The following FOXP2 variants were observed in gnomAD, a reference collection of about 807,000 sequenced individuals.
FOXP2 encodes forkhead box protein P2.
FOXP2 carries 12 observed loss-of-function variants against 115.8 expected under a neutral mutation model. That is an observed-to-expected ratio of 0.10 (90% CI 0.07 to 0.17). FOXP2 has a LOEUF of 0.17. Ranked by LOEUF, FOXP2 falls within the 10% of genes least tolerant of loss-of-function variation. FOXP2 has a pLI of 1.00. For missense variants in FOXP2, 629 were observed against 843.5 expected (o/e 0.75, Z 3.15); for synonymous variants, 328 against 297.7 (o/e 1.10, Z -1.05).
chr7:114,117,734 T>G (rs1791448792), intron 1 of FOXP2, among the ~76,000 whole-genome samples: 1 of 152,132 alleles, frequency 6.6e-6, no homozygotes, highest in East Asian at 1.9e-4. Context: ...TGGGCTGGCA[T>G]AACCAATTAC....
At chr7:114,555,869 G>T (rs1044201192) in intron 3 of FOXP2, among the ~76,000 whole-genome samples, 1 of 152,092 alleles carries the variant, frequency 6.6e-6, no homozygotes, top group Non-Finnish European at 1.5e-5. Context: ...CTCCACCATG[G>T]AGGGGATCTC....
chr7:114,499,327 C>G (rs911524904), intron 2 of FOXP2: 1 of 159,002 alleles, frequency 6.3e-6, no homozygotes, highest in Admixed American at 6.4e-5. Context: ...ACTCTACCAC[C>G]ATTATAATGG....
chr7:114,424,796 G>C lies in FOXP2; in HGVS notation c.-10-1706G>C, dbSNP rs141396023. On this transcript the variant is annotated intron_variant, in intron 1 of 16. Coordinates refer to ENST00000350908, the MANE Select transcript of FOXP2 (RefSeq NM_014491.4). Reference sequence around the variant, plus strand: ...TAGTTACAGCAATTATTTCCTTTCTGCTCATGTTTTCTGTTGTTTTTTTAT... The same window carrying C: ...TAGTTACAGCAATTATTTCCTTTCTCCTCATGTTTTCTGTTGTTTTTTTAT... Among the ~76,000 whole-genome samples the C allele has an allele frequency of 3.4e-3, 517 of 151,232 alleles. 1 individual carries two copies. Among genetic ancestry groups the C allele is most frequent in the African/African-American group, 0.012 (488 of 41,346 alleles).
At chr7:114,361,325 G>C (rs964887063) in intron 2 of FOXP2, among the ~76,000 whole-genome samples, 1 of 151,990 alleles carries the variant, frequency 6.6e-6, no homozygotes, top group Non-Finnish European at 1.5e-5. Context: ...TGCCTCAGTG[G>C]ACTTAAATTC....
chr7:114,204,834 C>G lies in FOXP2; in HGVS notation c.-102+41746C>G, dbSNP rs78295020. ...GGCAGCAAACATGGGGGAGTTAAGT[C>G]AGAAATAGTAGAGTACCTAAATAAT... On this transcript the variant is annotated intron_variant, in intron 1 of 17. Coordinates refer to the FOXP2 transcript ENST00000634411. 6.8e-3 allele frequency among the ~76,000 whole-genome samples: 1,027 copies of G among 150,434 alleles called. 9 individuals are homozygous for G. Among genetic ancestry groups the G allele is most frequent in the African/African-American group, 0.022 (914 of 40,890 alleles).
intron 2 of FOXP2, among the ~76,000 whole-genome samples, chr7:114,312,482 C>T (rs912136883): frequency 6.6e-6 from 1 of 152,106 alleles, no homozygotes; most frequent in East Asian, 1.9e-4. Flanking sequence ...CCCAGAGAAC[C>T]CTTTTCCTTC....
intron 16 of FOXP2, among the ~76,000 whole-genome samples, chr7:114,685,381 T>G (rs1309033449): frequency 6.6e-6 from 1 of 152,174 alleles, no homozygotes; most frequent in Non-Finnish European, 1.5e-5. Flanking sequence ...AAATAGTACC[T>G]TGGAGACTTA....
At chr7:114,201,078 T>G (rs556950484) in intron 1 of FOXP2, among the ~76,000 whole-genome samples, 29 of 151,956 alleles carry the variant, frequency 1.9e-4, no homozygotes, top group African/African-American at 7.0e-4. Flanking sequence ...ATCTCTTGAA[T>G]CCGGGAGGCA....
intron 1 of FOXP2, among the ~76,000 whole-genome samples, chr7:114,255,055 C>T (rs145735615): frequency 1.3e-5 from 2 of 152,292 alleles, no homozygotes; most frequent in East Asian, 1.9e-4. Flanking sequence ...GCTGGAGGTC[C>T]ACTCCAGACC....
chr7:114,364,246 C>A (rs1025055180), intron 2 of FOXP2, among the ~76,000 whole-genome samples: 6 of 152,100 alleles, frequency 3.9e-5, no homozygotes, highest in Non-Finnish European at 4.4e-5. Flanking sequence ...AGTTAGCTCA[C>A]TTAGCTACCC....
At chr7:114,602,539 G>A (rs182446316) in intron 3 of FOXP2, among the ~76,000 whole-genome samples, 35 of 152,000 alleles carry the variant, frequency 2.3e-4, no homozygotes, top group Admixed American at 2.6e-4. Flanking sequence ...ATTTGCTACA[G>A]TTTTCTGTGG....
intron 2 of FOXP2, among the ~76,000 whole-genome samples, chr7:114,453,673 C>T (rs1795163817): frequency 6.6e-6 from 1 of 151,978 alleles, no homozygotes; most frequent in African/African-American, 2.4e-5. Context: ...GCATTTGTCC[C>T]CGATTCTCAT....
chr7:114,285,217 T>A (rs1169171744), intron 1 of FOXP2, among the ~76,000 whole-genome samples: 1 of 152,134 alleles, frequency 6.6e-6, no homozygotes, highest in Non-Finnish European at 1.5e-5. Context: ...GGTATGTGAC[T>A]TTCTTCAAGA....
chr7:114,391,833 G>A (rs1445945316), intron 2 of FOXP2, among the ~76,000 whole-genome samples: 1 of 152,064 alleles, frequency 6.6e-6, no homozygotes, highest in Non-Finnish European at 1.5e-5. Context: ...GTATGAATGG[G>A]ATTTAAATAA....
At chr7:114,516,861 A>G (rs1798370809) in intron 2 of FOXP2, among the ~76,000 whole-genome samples, 1 of 151,840 alleles carries the variant, frequency 6.6e-6, no homozygotes, top group Admixed American at 6.6e-5. Context: ...ATGGCCAGCT[A>G]ATTTTTGTAT....
At position 114,370,863 on chromosome 7, in the gene FOXP2, T is replaced by TA. The variant is rs955312025; in HGVS notation, c.-10-55638dup. Among the ~76,000 whole-genome samples the TA allele has an allele frequency of 3.5e-4, 54 of 152,294 alleles. 1 individual carries two copies. The highest frequency in any genetic ancestry group is 1.3e-3 in the African/African-American group (52 of 41,564). On this transcript the variant is annotated intron_variant, in intron 2 of 17. Coordinates refer to the FOXP2 transcript ENST00000634411. ...ACAGGTTTCTCAGTCAAAGAAATAA[T>TA]ATAATTGGAGATAGTTTTGATTTTA...
At chr7:114,196,307 G>A (rs953416246) in intron 1 of FOXP2, among the ~76,000 whole-genome samples, 1 of 152,132 alleles carries the variant, frequency 6.6e-6, no homozygotes, top group African/African-American at 2.4e-5. Context: ...ACCACGCCCA[G>A]CCTAAAAATT....
At chr7:114,426,847 A>G (rs545735140) in intron 2 of FOXP2, among the ~76,000 whole-genome samples, 168 bp downstream of exon 2, 2 of 151,882 alleles carry the variant, frequency 1.3e-5, no homozygotes, top group African/African-American at 4.8e-5. Flanking sequence ...TAAGATTTTC[A>G]TATTAGTTAC....
chr7:114,270,122 G>A (rs1795998814), intron 1 of FOXP2, among the ~76,000 whole-genome samples: 2 of 152,076 alleles, frequency 1.3e-5, no homozygotes, highest in Non-Finnish European at 2.9e-5. Flanking sequence ...ATACGTTTAA[G>A]GTTTTTCCAT....
Sources: gnomAD v4.1 joint callset for allele counts (sites outside exome capture counted in the v4.1 genomes callset) on GRCh38, gnomAD v4.1.1 for gene constraint, MANE v1.5 for transcripts, NCBI Gene and HGNC (gene_info 2026-07-23, HGNC 2026-07-21) for gene names.